Variants in ANKRD30B observed in about 807,000 individuals in gnomAD.
ANKRD30B encodes the protein ankyrin repeat domain 30B.
In ANKRD30B, 144 loss-of-function variants were observed where a neutral mutation model predicts 202.2. That is an observed-to-expected ratio of 0.71 (90% confidence interval 0.62 to 0.82). The LOEUF is 0.82. ANKRD30B is among the 40% of genes least tolerant of loss of function. ANKRD30B has a pLI of 0.00. For missense variants in ANKRD30B, 1,487 were observed against 1,669.1 expected (o/e 0.89, Z 1.90); for synonymous variants, 508 against 561.3 (o/e 0.91, Z 1.34).
chr18:14,796,185 G>T (rs537069910), intron 16 of ANKRD30B, 36 bp from the exon 17 acceptor site: 2 of 1,553,198 alleles, frequency 1.3e-6, no homozygotes, highest in Admixed American at 3.3e-5. Context: ...TGTCAGGCTT[G>T]CATATAATCA....
At chr18:14,900,680 A>G in the ANKRD30B span, among the ~76,000 whole-genome samples, 1 of 152,190 alleles carries the variant, frequency 6.6e-6, no homozygotes, top group African/African-American at 2.4e-5. Flanking sequence ...TTACAGCTTA[A>G]TGTGGCCATG....
chr18:14,791,645 A>G (rs985096189), intron 16 of ANKRD30B, among the ~76,000 whole-genome samples, 154 bp downstream of exon 16: 2 of 152,176 alleles, frequency 1.3e-5, no homozygotes, highest in Admixed American at 1.3e-4. Context: ...ACGTCTTATC[A>G]GGTGTTGGTA....
At chr18:14,789,421 T>C (rs966561935) in intron 15 of ANKRD30B, among the ~76,000 whole-genome samples, 6 of 152,142 alleles carry the variant, frequency 3.9e-5, no homozygotes, top group Admixed American at 6.5e-5. Flanking sequence ...AATTTTGGCT[T>C]TTGTTGCCAT....
chr18:14,824,522 G>C (rs1465885481), intron 32 of ANKRD30B, among the ~76,000 whole-genome samples: 1 of 152,052 alleles, frequency 6.6e-6, no homozygotes, highest in Non-Finnish European at 1.5e-5. Context: ...AAAAGCAAAT[G>C]TTCTTACTGT....
At chr18:14,783,938 CT>C (rs1568006751) in intron 12 of ANKRD30B, among the ~76,000 whole-genome samples, 3 of 152,070 alleles carry the variant, frequency 2.0e-5, no homozygotes, top group African/African-American at 7.2e-5. Context: ...CAGCTGAACT[CT>C]CATCATAACT....
chr18:14,882,815 T>C, the ANKRD30B span, among the ~76,000 whole-genome samples: 9 of 152,074 alleles, frequency 5.9e-5, no homozygotes, highest in African/African-American at 2.2e-4. Context: ...TGTTTAGGAT[T>C]GTCATATTTT....
In ANKRD30B at chr18:14,769,344, G is replaced by A; in HGVS notation, c.1227G>A (p.Val409=). 1 of 1,540,206 alleles carries A rather than the reference G, an allele frequency of 6.5e-7. No individual in the cohort carries two copies. The highest frequency in any genetic ancestry group is 8.8e-7 in the Non-Finnish European group (1 of 1,140,608). ...TATTTTACTTTTTTTCTTTAATAGT[G>A]GATGTGAGTTCTGTAGAGCCTATAT... The part of the protein sequence containing the change: ...KETSTKASTN[V]DVSSVEPIFS... Residue 409 remains valine (V), a splice_region_variant and synonymous_variant, in exon 8 of 44, where the codon GTG becomes GTA. Transcript: ENST00000690538.
intron 34 of ANKRD30B, among the ~76,000 whole-genome samples, chr18:14,836,884 T>C (rs1187392237): frequency 6.6e-6 from 1 of 152,084 alleles, no homozygotes; most frequent in Non-Finnish European, 1.5e-5. Context: ...CAGCATTTTC[T>C]AAGCTTTTCA....
intron 40 of ANKRD30B, 40 bp from the exon 41 acceptor site, chr18:14,850,174 C>T (rs1598721930): frequency 2.4e-6 from 3 of 1,265,402 alleles, no homozygotes; most frequent in Non-Finnish European, 2.1e-6. Context: ...ATTCTATTTT[C>T]TAACAAAATG....
chr18:14,753,139 T>C, intron 3 of ANKRD30B, 127 bp downstream of exon 3: 1 of 724,144 alleles, frequency 1.4e-6, no homozygotes. Context: ...AAGAACTTAA[T>C]TATCTAAGAT....
rs1914632378 is a variant in ANKRD30B at position 14,757,897 on chromosome 18, G to A, written c.700G>A (p.Glu234Lys). The A allele has an allele frequency of 6.2e-6, 10 of 1,612,120 alleles. No individual in the cohort carries two copies. Among genetic ancestry groups the A allele is most frequent in the Non-Finnish European group, 7.6e-6 (9 of 1,178,952 alleles). The change falls in exon 5 of 44, where the codon GAA becomes AAA. Residue 234 changes from glutamate to lysine, a missense_variant. By Grantham distance (56) the Glu-to-Lys change is moderately conservative. This residue lies in a region of ANKRD30B where 889 missense variants were observed against 841.4 expected (regional missense o/e 1.06). Coordinates refer to ENST00000690538, the MANE Select transcript of ANKRD30B (RefSeq NM_001367607.2). ...LLQQNVDVFAEDIHGITAERY... is the reference protein window; with the variant it reads ...LLQQNVDVFAKDIHGITAERY... ...TCAGCAAAATGTTGACGTCTTTGCT[G>A]AAGACATACATGGAATAACTGCAGA... is the stretch of plus-strand genomic sequence containing the variant.
rs1967820453 is a variant in ANKRD30B, at chr18:14,782,573, C to T, written c.1529C>T (p.Ser510Phe). The change falls in exon 12 of 44, where the codon TCT becomes TTT. Residue 510 changes from serine to phenylalanine, a missense_variant. By Grantham distance (155) the Ser-to-Phe change is radical. This residue lies in a region of ANKRD30B where 889 missense variants were observed against 841.4 expected (regional missense o/e 1.06). Coordinates refer to ENST00000690538, the MANE Select transcript of ANKRD30B (RefSeq NM_001367607.2). ...SAKTQVCIPESMYQKVMEINR... is the reference protein window; with the variant it reads ...SAKTQVCIPEFMYQKVMEINR... Reference sequence around the variant, plus strand: ...AAGACTCAAGTGTGTATACCTGAGTCTATGTATCAGAAAGTAATGGAGATA... The same window carrying T: ...AAGACTCAAGTGTGTATACCTGAGTTTATGTATCAGAAAGTAATGGAGATA... The T allele has an allele frequency of 6.3e-7, 1 of 1,586,132 alleles. No homozygotes were observed. The highest frequency in any genetic ancestry group is 1.9e-5 in the Admixed American group (1 of 53,866).
At chr18:14,790,227 T>G (rs1036094365) in intron 15 of ANKRD30B, among the ~76,000 whole-genome samples, 1 of 152,142 alleles carries the variant, frequency 6.6e-6, no homozygotes, top group Non-Finnish European at 1.5e-5. Context: ...TTGTGATTTT[T>G]TACATTGATT....
Position 14,845,165 on chromosome 18 carries a change from C to T in ANKRD30B, c.3181+2069C>T, listed in dbSNP as rs1819117103. Among the ~76,000 whole-genome samples the T allele has an allele frequency of 3.3e-5, 5 of 151,980 alleles. No homozygotes were observed. The South Asian group carries it at 1.0e-3, about 32-fold the overall frequency. On this transcript the variant is annotated intron_variant, in intron 39 of 43. Transcript: ENST00000690538. ...GATGTTTTAGTTCTGAAGTATTTGC[C>T]CATGCCTATGTCCTGAATGGTATTG...
At chr18:14,937,660 G>A in the ANKRD30B span, among the ~76,000 whole-genome samples, 1 of 152,210 alleles carries the variant, frequency 6.6e-6, no homozygotes, top group South Asian at 2.1e-4. Flanking sequence ...GCTATTGACC[G>A]CTTGCTCGAG....
chr18:14,796,408 C>G lies in ANKRD30B; in HGVS notation c.1920C>G (p.Phe640Leu). ...TAGAATTAAAGGACAGAGAAACATTCAAAGCAGGTAAATTTTGTAATTTAA... is the reference window on the plus strand; with the variant it reads ...TAGAATTAAAGGACAGAGAAACATTGAAAGCAGGTAAATTTTGTAATTTAA... ...KALELKDRET[F>L]KAESPDKDGL... Residue 640 changes from phenylalanine (F) to leucine (L), a missense_variant, in exon 18 of 44, where the codon TTC becomes TTG. Phe to Leu is a conservative substitution (Grantham distance 22). Coordinates refer to ENST00000690538, the MANE Select transcript of ANKRD30B (RefSeq NM_001367607.2). 1.9e-6 allele frequency: 3 copies of G among 1,549,246 alleles called. No individual in the cohort carries two copies. The highest frequency in any genetic ancestry group is 2.7e-5 in the African/African-American group (2 of 72,926).
chr18:14,867,111 C>A, the ANKRD30B span, among the ~76,000 whole-genome samples: 2 of 122,792 alleles, frequency 1.6e-5, no homozygotes, highest in African/African-American at 6.5e-5. Context: ...GGGGCGCTAT[C>A]TGGGGCTGTG....
chr18:14,757,944 A>T lies in ANKRD30B; in HGVS notation c.747A>T (p.Gly249=). 30 of 1,591,080 alleles carry T rather than the reference A, an allele frequency of 1.9e-5. No homozygotes were observed. The highest frequency in any genetic ancestry group is 2.6e-5 in the Non-Finnish European group (30 of 1,167,728). The change falls in exon 5 of 44, where the codon GGA becomes GGT. Residue 249 remains glycine (G), a synonymous_variant. Transcript: ENST00000690538. ...CAGAACGTTATGCTGCTGCTTGTGGAGTTAATTAGTAAGTGTTTACATTTA... is the reference window on the plus strand; with the variant it reads ...CAGAACGTTATGCTGCTGCTTGTGGTGTTAATTAGTAAGTGTTTACATTTA... ...ITAERYAAAC[G]VNYIHQQLLE...
chr18:14,799,032 C>T (rs577123380), intron 20 of ANKRD30B, 69 bp from the exon 21 acceptor site: 1 of 1,380,810 alleles, frequency 7.2e-7, no homozygotes, highest in South Asian at 1.2e-5. Context: ...CATATTCACA[C>T]TCTATGAACG....
Sources: gnomAD v4.1 joint callset for allele counts (sites outside exome capture counted in the v4.1 genomes callset) on GRCh38, gnomAD v4.1.1 for gene constraint, gnomAD v4.1.1 regional missense constraint, MANE v1.5 for transcripts, NCBI Gene and HGNC (gene_info 2026-07-23, HGNC 2026-07-21) for gene names.